SLC16A12: variants seen among roughly 807,000 people sequenced by gnomAD.
The protein encoded by SLC16A12 is monocarboxylate transporter 12.
Under a neutral mutation model 42.4 loss-of-function variants are expected in SLC16A12, and 17 were observed. The ratio of observed to expected loss-of-function variants is 0.40; its 90% CI spans 0.27 to 0.60. The LOEUF (loss-of-function observed/expected upper bound fraction) is 0.60. Among genes scored for constraint, SLC16A12 ranks in the 20% least tolerant of loss-of-function variants. SLC16A12 has a pLI of 0.42. For synonymous variants in SLC16A12, 224 were observed against 229.4 expected (o/e 0.98, Z 0.21); for missense variants, 544 against 623.0 (o/e 0.87, Z 1.35).
chr10:89,474,832 G>T (rs1258792225), intron 2 of SLC16A12, among the ~76,000 whole-genome samples: 2 of 152,104 alleles, frequency 1.3e-5, no homozygotes, highest in Non-Finnish European at 2.9e-5. Flanking sequence ...TGTGACGTAG[G>T]TATTATAATC....
intron 2 of SLC16A12, among the ~76,000 whole-genome samples, chr10:89,514,780 T>C (rs1843220571): frequency 6.6e-6 from 1 of 152,150 alleles, no homozygotes; most frequent in Non-Finnish European, 1.5e-5. Flanking sequence ...CCACTGTACT[T>C]TGTAGAGATG....
At chr10:89,518,187 GCTCTGTT>G (rs1391973825) in intron 2 of SLC16A12, among the ~76,000 whole-genome samples, 1 of 152,182 alleles carries the variant, frequency 6.6e-6, no homozygotes, top group Non-Finnish European at 1.5e-5. Flanking sequence ...CTGGTAAGGA[GCTCTGTT>G]CTCTGCTTGG....
At chr10:89,484,943 T>G (rs567948122) in intron 2 of SLC16A12, among the ~76,000 whole-genome samples, 80 of 152,258 alleles carry the variant, frequency 5.3e-4, no homozygotes, top group African/African-American at 1.8e-3. Flanking sequence ...CTACACATCA[T>G]CCCAAGGAAC....
At chr10:89,453,070 G>A (rs778431369) in intron 3 of SLC16A12, among the ~76,000 whole-genome samples, 9 of 152,126 alleles carry the variant, frequency 5.9e-5, no homozygotes, top group Non-Finnish European at 1.0e-4. Context: ...TCTGTCAAAG[G>A]GGTATAAAAA....
chr10:89,519,378 G>A (rs147620619), intron 2 of SLC16A12, among the ~76,000 whole-genome samples: 2 of 151,844 alleles, frequency 1.3e-5, no homozygotes, highest in East Asian at 3.9e-4. Context: ...CAAAAGTTGA[G>A]AGAAGAAAAA....
At chr10:89,454,181 A>G (rs1236646082) in intron 3 of SLC16A12, among the ~76,000 whole-genome samples, 1 of 151,732 alleles carries the variant, frequency 6.6e-6, no homozygotes, top group Admixed American at 6.6e-5. Context: ...GTGCACCATC[A>G]TGTCCAGCTA....
rs141623273 is a variant in SLC16A12, at chr10:89,436,094, G to A, written c.1254C>T (p.His418=). Residue 418 remains histidine (H), a synonymous_variant, in exon 7 of 8, where the codon CAC becomes CAT. Coordinates refer to ENST00000371790, the MANE Select transcript of SLC16A12 (RefSeq NM_213606.4). ...SSALGVVYFL[H]AVPYLVSPPI... ...GTGGGCTCACCAAGTATGGCACTGC[G>A]TGAAGGAAGTATACCACACCAAGCG... 67 of 1,613,820 alleles carry A rather than the reference G, an allele frequency of 4.2e-5. No individual in the cohort carries two copies. The highest frequency in any genetic ancestry group is 3.7e-4 in the South Asian group (34 of 91,066).
intron 2 of SLC16A12, among the ~76,000 whole-genome samples, chr10:89,523,918 G>C (rs894655578): frequency 6.6e-6 from 1 of 152,214 alleles, no homozygotes; most frequent in African/African-American, 2.4e-5. Flanking sequence ...ATGACTGAGA[G>C]ATGCCCTGGG....
At chr10:89,445,405 T>C (rs1841984547) in intron 3 of SLC16A12, among the ~76,000 whole-genome samples, 1 of 152,186 alleles carries the variant, frequency 6.6e-6, no homozygotes, top group South Asian at 2.1e-4. Flanking sequence ...GCAGCAATAT[T>C]TGCTGTTCTG....
intron 2 of SLC16A12, among the ~76,000 whole-genome samples, chr10:89,517,584 T>A (rs555070873): frequency 6.6e-6 from 1 of 152,214 alleles, no homozygotes; most frequent in African/African-American, 2.4e-5. Flanking sequence ...CCCCTGGGGT[T>A]TCAAGCATGA....
At position 89,443,522 on chromosome 10, in the gene SLC16A12, T is replaced by G. The variant is rs767142276; in HGVS notation, c.304+234A>C. 2.6e-5 allele frequency among the ~76,000 whole-genome samples: 4 copies of G among 152,206 alleles called. No individual in the cohort carries two copies. The East Asian group carries it at 7.7e-4, about 29-fold the overall frequency. ...ACCAAATCTTACGTGTTCTTTTGAG[T>G]GTATTATCTAACTGTTCTACCTGAC... On this transcript the variant is annotated intron_variant, in intron 4 of 7. Coordinates refer to ENST00000371790, the MANE Select transcript of SLC16A12 (RefSeq NM_213606.4).
chr10:89,517,271 G>A (rs1445518227), intron 2 of SLC16A12, among the ~76,000 whole-genome samples: 2 of 151,886 alleles, frequency 1.3e-5, no homozygotes, highest in South Asian at 2.1e-4. Flanking sequence ...GTTCCATGGG[G>A]GGCAGGGCGA....
At chr10:89,540,304 G>T (rs951004267), upstream of SLC16A12, among the ~76,000 whole-genome samples, 3 of 152,060 alleles carry the variant, frequency 2.0e-5, no homozygotes, top group African/African-American at 7.3e-5. Context: ...TTGCCATGTT[G>T]CCCAGGCTGG....
rs767339819 is a variant in SLC16A12 at position 89,462,455 on chromosome 10, G to A, written c.124C>T (p.Pro42Ser). 8 of 1,614,042 alleles carry A rather than the reference G, an allele frequency of 5.0e-6. No homozygotes were observed. In the South Asian group the frequency reaches 6.6e-5, roughly 13 times the overall value. Residue 42 changes from proline (P) to serine (S), a missense_variant, in exon 3 of 8, where the codon CCT becomes TCT. Coordinates refer to ENST00000371790, the MANE Select transcript of SLC16A12 (RefSeq NM_213606.4). ...ATCCAGCCCCAGCCTCCATCTGGAG[G>A]GGAGGTAGACCGAGCTCTATTTACT... ...AKVNRARSTSPPDGGWGWMIV... is the reference protein window; with the variant it reads ...AKVNRARSTSSPDGGWGWMIV...
intron 2 of SLC16A12, among the ~76,000 whole-genome samples, chr10:89,471,944 A>G (rs888187548): frequency 1.3e-5 from 2 of 152,150 alleles, no homozygotes; most frequent in East Asian, 3.8e-4. Flanking sequence ...TGTCTATTCA[A>G]GTATTATGCC....
intron 1 of SLC16A12, among the ~76,000 whole-genome samples, chr10:89,556,350 T>C (rs533680520): frequency 2.6e-5 from 4 of 152,214 alleles, no homozygotes; most frequent in Non-Finnish European, 5.9e-5. Context: ...AATATTATTA[T>C]ACATATCTCT....
intron 4 of SLC16A12, among the ~76,000 whole-genome samples, chr10:89,443,074 A>T (rs1254958510): frequency 2.6e-5 from 4 of 152,246 alleles, no homozygotes; most frequent in Non-Finnish European, 5.9e-5. Flanking sequence ...TCTACTACAC[A>T]GATGGAATGT....
rs1254477494 is a variant in SLC16A12, at chr10:89,433,204, A to G, written c.1411T>C (p.Leu471=). 2 of 1,614,098 alleles carry G rather than the reference A, an allele frequency of 1.2e-6. No homozygotes were observed. The highest frequency in any genetic ancestry group is 2.2e-5 in the South Asian group (2 of 91,084). The part of the protein sequence containing the change: ...RLIKRMRKTQ[L]QFIAKESDPK... ...TCAGATTCTTTGGCAATGAACTGCA[A>G]CTGGGTTTTTCTCATTCTCTTTATA... The change falls in exon 8 of 8, where the codon TTG becomes CTG. Residue 471 remains leucine, a synonymous_variant. Transcript: ENST00000371790.
chr10:89,526,176 C>A lies in SLC16A12; in HGVS notation c.-47+8325G>T, dbSNP rs142370060. On this transcript the variant is annotated intron_variant, in intron 2 of 7. Transcript: ENST00000371790. ...TATACCCATGCATCAACTCTTTTGG[C>A]AGTTATGTACAACTGTACATGGGGG... Among the ~76,000 whole-genome samples the A allele has an allele frequency of 1.0e-3, 157 of 152,088 alleles. 1 individual carries two copies. The highest frequency in any genetic ancestry group is 3.6e-3 in the African/African-American group (148 of 41,484).
Sources: allele counts gnomAD v4.1 joint callset (sites outside exome capture counted in the v4.1 genomes callset), GRCh38; gene constraint gnomAD v4.1.1; transcripts MANE v1.5; gene names NCBI Gene and HGNC (gene_info 2026-07-23, HGNC 2026-07-21).